U2AF2: variants seen among roughly 807,000 people sequenced by gnomAD.
The protein encoded by U2AF2 is U2 small nuclear RNA auxiliary factor 2, also known as splicing factor U2AF 65 kDa subunit.
A neutral mutation model predicts 52.6 loss-of-function variants in U2AF2; 6 were observed. The observed-to-expected ratio is 0.11, with a 90% CI of 0.06 to 0.23. The LOEUF (loss-of-function observed/expected upper bound fraction) is 0.23. U2AF2 is among the 10% of genes least tolerant of loss of function. The pLI is 1.00. For synonymous variants in U2AF2, 284 were observed against 258.2 expected (o/e 1.10, Z -0.96); for missense variants, 222 against 677.1 (o/e 0.33, Z 7.46).
chr19:55,664,296 G>A (rs1251144248), intron 7 of U2AF2, among the ~76,000 whole-genome samples: 3 of 152,238 alleles, frequency 2.0e-5, no homozygotes, highest in Non-Finnish European at 2.9e-5. Flanking sequence ...GAAAGCAGCC[G>A]GACGGTGTCT....
intron 5 of U2AF2, chr19:55,662,273 C>T (rs1448988235): frequency 3.1e-5 from 14 of 453,754 alleles, no homozygotes; most frequent in Admixed American, 3.0e-4. Context: ...ATCGCCTGCC[C>T]TTGGCCGTCT....
chr19:55,659,517 A>G lies in U2AF2; in HGVS notation c.185+172A>G, dbSNP rs181126496. 2.6e-3 allele frequency among the ~76,000 whole-genome samples: 364 copies of G among 140,072 alleles called. 2 individuals carry two copies. Among genetic ancestry groups the G allele is most frequent in the Middle Eastern group, 0.012 (3 of 244 alleles). 91.9% of individuals were successfully genotyped at this position (140,072 alleles called of 152,430 possible). A position where few individuals can be genotyped will look rare whatever the true frequency, so the allele number is the denominator to read the frequency against. On this transcript the variant is annotated intron_variant, in intron 2 of 11. Transcript: ENST00000308924. ...ACTGCTTGGTCTGTCTTGGATTCCG[A>G]TTTTTTCCCCCGTTTCTGGGGTTTC...
chr19:55,662,689 G>A (rs1984293675), intron 6 of U2AF2, 71 bp downstream of exon 6: 5 of 1,372,314 alleles, frequency 3.6e-6, no homozygotes, highest in Non-Finnish European at 5.1e-6. Flanking sequence ...GGCTGATGTT[G>A]TGTGGAGCTG....
At position 55,667,503 on chromosome 19, in the gene U2AF2, C is replaced by G. The variant is rs1984618415; in HGVS notation, c.743-1004C>G. Among the ~76,000 whole-genome samples, 3 of 152,282 alleles carry G rather than the reference C, an allele frequency of 2.0e-5. No homozygotes were observed. The South Asian group carries it at 6.2e-4, about 32-fold the overall frequency. ...AATCATCCCACCAGCAGGCACTTGT[C>G]TGTGAGTCCAGAGTTCAGTGGATAG... On this transcript the variant is annotated intron_variant, in intron 7 of 11. Transcript: ENST00000308924.
intron 2 of U2AF2, 28 bp from the exon 3 acceptor site, chr19:55,660,148 TC>T: frequency 3.4e-6 from 5 of 1,481,814 alleles, no homozygotes; most frequent in Non-Finnish European, 3.7e-6. Context: ...CAGTCACCCC[TC>T]CCCATACCTT....
In U2AF2 at chr19:55,668,424, A is replaced by G. The variant is rs538886874; in HGVS notation, c.743-83A>G. 7 of 1,368,218 alleles carry G rather than the reference A, an allele frequency of 5.1e-6. No homozygotes were observed. In the African/African-American group the frequency reaches 5.8e-5, roughly 11 times the overall value. The allele number at this position is 1,368,218 out of a possible 1,614,324, so 84.8% of individuals were successfully genotyped here. The stretch of plus-strand genomic sequence containing the variant: ...CAGGCAGGAAGTGTTCTCTTTGGCA[A>G]TTGAGGAGCTCGCCGTAGACTGTCC... On this transcript the variant is annotated intron_variant, in intron 7 of 11. Transcript: ENST00000308924. The surrounding 1 kb of genome is among the most constrained non-coding windows in gnomAD (Gnocchi z 5.5).
chr19:55,662,641 G>T (rs1362392708), intron 6 of U2AF2, 23 bp downstream of exon 6: 1 of 1,603,314 alleles, frequency 6.2e-7, no homozygotes, highest in Non-Finnish European at 8.5e-7. Context: ...AGTGAGTGAG[G>T]TCCAGGAAAC....
chr19:55,661,325 C>G (rs1318972880), intron 5 of U2AF2, 136 bp downstream of exon 5: 1 of 1,023,560 alleles, frequency 9.8e-7, no homozygotes, highest in Admixed American at 3.6e-5. Context: ...CCCAGACGGA[C>G]CGATGGAGTT....
At chr19:55,669,002 G>A (rs969839237) in intron 9 of U2AF2, 81 bp from the exon 10 acceptor site, 142 of 1,532,632 alleles carry the variant, frequency 9.3e-5, no homozygotes, top group Non-Finnish European at 1.2e-4. Context: ...CCAATGCCCC[G>A]GCTTGGGGGT....
chr19:55,669,452 C>T lies in U2AF2; in HGVS notation c.1053C>T (p.Ile351=), dbSNP rs1291423761. The part of the protein sequence containing the change: ...NATLVSPPST[I]NQTPVTLQVP... ...CTCCCCTGGCCCCACAGAGCACCAT[C>T]AATCAGACGCCTGTGACCCTGCAAG... The change falls in exon 11 of 12, where the codon ATC becomes ATT. Residue 351 remains isoleucine, a synonymous_variant. Coordinates refer to ENST00000308924, the MANE Select transcript of U2AF2 (RefSeq NM_007279.3). 2 of 1,605,060 alleles carry T rather than the reference C, an allele frequency of 1.2e-6. No individual in the cohort carries two copies. Among genetic ancestry groups the T allele is most frequent in the Non-Finnish European group, 1.7e-6 (2 of 1,174,546 alleles).
chr19:55,666,995 A>G (rs146178384), intron 7 of U2AF2, among the ~76,000 whole-genome samples: 1 of 152,248 alleles, frequency 6.6e-6, no homozygotes, highest in East Asian at 1.9e-4. Flanking sequence ...TGAAAGTCTT[A>G]CAGGATGCCT....
rs749714910 is a variant in U2AF2, at chr19:55,655,099, C to G, written c.-6C>G. The G allele has an allele frequency of 6.2e-7, 1 of 1,606,048 alleles. No homozygotes were observed. The highest frequency in any genetic ancestry group is 1.4e-5 in the African/African-American group (1 of 73,244). On this transcript the variant is annotated 5_prime_UTR_variant, in exon 1 of 12. Transcript: ENST00000308924. ...GCTGCACAGGGCCCTACGCGGCCGCCTCAGCATGTCGGACTTCGACGAGTT... is the reference window on the plus strand; with the variant it reads ...GCTGCACAGGGCCCTACGCGGCCGCGTCAGCATGTCGGACTTCGACGAGTT...
intron 11 of U2AF2, among the ~76,000 whole-genome samples, chr19:55,670,062 C>T (rs975204405): frequency 2.0e-5 from 3 of 152,002 alleles, no homozygotes; most frequent in African/African-American, 4.8e-5. Flanking sequence ...GGAAGAGTGC[C>T]GGGAACAGTC....
At chr19:55,671,931 C>T (rs774680142) in intron 11 of U2AF2, 16 of 152,112 alleles carry the variant, frequency 1.1e-4, no homozygotes, top group Non-Finnish European at 1.8e-4. Flanking sequence ...TGGAGACCAG[C>T]CTGGCCAATG....
intron 7 of U2AF2, chr19:55,663,950 T>A: frequency 1.5e-6 from 1 of 670,694 alleles, no homozygotes; most frequent in Non-Finnish European, 2.4e-6. Flanking sequence ...GAATGAGCTG[T>A]CACCTGCTGA....
rs534702334 is a variant in U2AF2 at position 55,674,186 on chromosome 19, G to T, written c.*118G>T. On this transcript the variant is annotated 3_prime_UTR_variant, in exon 12 of 12. Coordinates refer to ENST00000308924, the MANE Select transcript of U2AF2 (RefSeq NM_007279.3). The stretch of plus-strand genomic sequence containing the variant: ...GAGTGACAGCCGCAGACACACGACA[G>T]CCGGCAGCAACTGGAATGGCAGCAA... 5.1e-5 allele frequency: 29 copies of T among 570,668 alleles called. No homozygotes were observed. In the African/African-American group the frequency reaches 6.2e-4, roughly 12 times the overall value. 35.4% of individuals were successfully genotyped at this position (570,668 alleles called of 1,614,324 possible). A position where few individuals can be genotyped will look rare whatever the true frequency, so the allele number is the denominator to read the frequency against.
Position 55,663,671 on chromosome 19 carries a change from A to G in U2AF2, c.669A>G (p.Ser223=). The change falls in exon 7 of 12, where the codon TCA becomes TCG. Residue 223 remains serine (S), a synonymous_variant. Coordinates refer to ENST00000308924, the MANE Select transcript of U2AF2 (RefSeq NM_007279.3). ...AFDGIIFQGQ[S]LKIRRPHDYQ... ...ATGGCATCATCTTCCAGGGCCAGTC[A>G]CTAAAGATCCGCAGGCCTCACGACT... 1 of 1,614,128 alleles carries G rather than the reference A, an allele frequency of 6.2e-7. No individual in the cohort carries two copies. Among genetic ancestry groups the G allele is most frequent in the Non-Finnish European group, 8.5e-7 (1 of 1,180,012 alleles).
At chr19:55,663,931 G>C in intron 7 of U2AF2, 187 bp downstream of exon 7, 2 of 815,568 alleles carry the variant, frequency 2.5e-6, no homozygotes, top group Non-Finnish European at 3.7e-6. Flanking sequence ...AAGGTGCCTA[G>C]GGCCGGGAGA....
intron 7 of U2AF2, among the ~76,000 whole-genome samples, chr19:55,667,201 G>T (rs1389004585): frequency 6.6e-6 from 1 of 152,038 alleles, no homozygotes; most frequent in Non-Finnish European, 1.5e-5. Flanking sequence ...GGTGGGAGAG[G>T]GTGTGTGGGG....
Sources: allele counts gnomAD v4.1 joint callset (sites outside exome capture counted in the v4.1 genomes callset), GRCh38; gene constraint gnomAD v4.1.1; non-coding constraint Gnocchi (gnomAD v3.1); transcripts MANE v1.5; gene names NCBI Gene and HGNC (gene_info 2026-07-23, HGNC 2026-07-21).